Variants in RGS12 observed in about 807,000 individuals in gnomAD.
RGS12 encodes regulator of G-protein signaling 12.
RGS12 carries 66 observed loss-of-function variants against 120.1 expected under a neutral mutation model. The observed-to-expected ratio is 0.55, with a 90% CI of 0.45 to 0.67. The LOEUF (loss-of-function observed/expected upper bound fraction) is 0.67. RGS12 is among the 30% of genes least tolerant of loss of function. The pLI is 0.00. For synonymous variants in RGS12, 827 were observed against 804.7 expected (o/e 1.03, Z -0.47); for missense variants, 1,859 against 1,957.7 (o/e 0.95, Z 0.95).
At position 3,317,987 on chromosome 4, in the gene RGS12, C is replaced by T. The variant is rs1223114041; in HGVS notation, c.1817C>T (p.Ala606Val). The change falls in exon 2 of 18, where the codon GCC becomes GTC. Residue 606 changes from alanine to valine, a missense_variant. Transcript: ENST00000336727. Reference protein sequence around the residue: ...NAPKREWSRKAFGMQSIFGPH... With the variant: ...NAPKREWSRKVFGMQSIFGPH... ...CCGAAGAGGGAGTGGTCCAGGAAGGCCTTTGGAATGCAAAGCATTTTTGGT... is the reference window on the plus strand; with the variant it reads ...CCGAAGAGGGAGTGGTCCAGGAAGGTCTTTGGAATGCAAAGCATTTTTGGT... 6.2e-7 allele frequency: 1 copy of T among 1,611,588 alleles called. No individual in the cohort carries two copies. The highest frequency in any genetic ancestry group is 8.5e-7 in the Non-Finnish European group (1 of 1,178,910).
At chr4:3,308,810 C>T (rs186290008) in intron 1 of RGS12, among the ~76,000 whole-genome samples, 3 of 152,260 alleles carry the variant, frequency 2.0e-5, no homozygotes, top group East Asian at 3.8e-4. Context: ...GGCTGGGAGC[C>T]GCTCTGTCAG....
At chr4:3,368,874 G>T (rs375460443) in intron 3 of RGS12, among the ~76,000 whole-genome samples, 19 of 152,162 alleles carry the variant, frequency 1.2e-4, no homozygotes, top group African/African-American at 4.6e-4. Context: ...TACGTGCTCC[G>T]CCTTCTGTCA....
chr4:3,401,233 G>C (rs1009242519), intron 4 of RGS12, among the ~76,000 whole-genome samples: 2 of 152,112 alleles, frequency 1.3e-5, no homozygotes, highest in Non-Finnish European at 2.9e-5. Context: ...TTTGGGGAGG[G>C]GGTATAGGAC....
At chr4:3,381,947 G>C (rs3129327) in intron 3 of RGS12, among the ~76,000 whole-genome samples, 16 of 152,118 alleles carry the variant, frequency 1.1e-4, no homozygotes, top group Admixed American at 3.9e-4. Flanking sequence ...GTGTAAACTG[G>C]GGTCCAGCCA....
intron 10 of RGS12, among the ~76,000 whole-genome samples, chr4:3,421,669 C>T (rs1379117011): frequency 6.6e-6 from 1 of 152,232 alleles, no homozygotes; most frequent in Non-Finnish European, 1.5e-5. Context: ...CAGTTCACCC[C>T]GTCCCACAGC....
chr4:3,430,351 C>T (rs1034914079), intron 16 of RGS12, 56 bp from the exon 17 acceptor site: 2 of 1,465,288 alleles, frequency 1.4e-6, no homozygotes, highest in African/African-American at 1.4e-5. Context: ...TCTGCGGTGA[C>T]AGTCATTAAT....
At chr4:3,436,600 C>T (rs981286322) in intron 17 of RGS12, among the ~76,000 whole-genome samples, 1 of 152,186 alleles carries the variant, frequency 6.6e-6, no homozygotes, top group African/African-American at 2.4e-5. Flanking sequence ...CAGTGCAGCC[C>T]CTGCTCCCGC....
At position 3,375,739 on chromosome 4, in the gene RGS12, GC is replaced by G. The variant is rs368893903; in HGVS notation, c.1999-10674del. 1.1e-3 allele frequency among the ~76,000 whole-genome samples: 91 copies of G among 82,988 alleles called. 5 individuals are homozygous for G. The highest frequency in any genetic ancestry group is 1.7e-3 in the Non-Finnish European group (57 of 33,232). 54.4% of individuals were successfully genotyped at this position (82,988 alleles called of 152,430 possible). ...GCCTCATCTCCAGCCCTCATCTCCA[GC>G]CCTCATCTCCAGCCTCATCTCCAGC... On this transcript the variant is annotated intron_variant, in intron 3 of 17. Transcript: ENST00000336727.
intron 1 of RGS12, among the ~76,000 whole-genome samples, chr4:3,293,497 C>T (rs1418726392): frequency 1.3e-5 from 2 of 151,898 alleles, no homozygotes; most frequent in Non-Finnish European, 2.9e-5. Context: ...TGGGAGGGTT[C>T]CCTCGTCGGA....
chr4:3,313,732 A>G (rs1197419216), intron 1 of RGS12, among the ~76,000 whole-genome samples: 1 of 152,074 alleles, frequency 6.6e-6, no homozygotes, highest in Non-Finnish European at 1.5e-5. Flanking sequence ...CCCATCCTTG[A>G]ATCCCTGCAG....
chr4:3,315,988 T>TTATGA, intron 1 of RGS12, 82 bp from the exon 2 acceptor site: 1 of 517,554 alleles, frequency 1.9e-6, no homozygotes, highest in East Asian at 3.1e-5. Flanking sequence ...TTATGAATTA[T>TTATGA]CTTTTTGTGT....
intron 1 of RGS12, among the ~76,000 whole-genome samples, chr4:3,297,598 A>G (rs1270301236): frequency 1.3e-5 from 2 of 152,200 alleles, no homozygotes; most frequent in African/African-American, 2.4e-5. Flanking sequence ...GAGTGCCCTG[A>G]GCACAGGTCC....
Position 3,326,597 on chromosome 4 carries a change from G to A in RGS12, c.1881+8546G>A, listed in dbSNP as rs555133759. ...AGACTTGACTGAAAAACTTAGATTG[G>A]TTAAACAAATTCAGCAAAGTTGCAG... On this transcript the variant is annotated intron_variant, in intron 2 of 17. Transcript: ENST00000336727. Among the ~76,000 whole-genome samples, 7 of 152,264 alleles carry A rather than the reference G, an allele frequency of 4.6e-5. 1 individual carries two copies. In the South Asian group the frequency reaches 1.2e-3, roughly 27 times the overall value.
At chr4:3,418,618 C>A (rs746061571) in intron 9 of RGS12, 1 of 152,426 alleles carries the variant, frequency 6.6e-6, no homozygotes, top group African/African-American at 2.4e-5. Flanking sequence ...CAGGGGGAAG[C>A]GTTGTTCCCG....
intron 5 of RGS12, 145 bp downstream of exon 5, chr4:3,414,386 C>T: frequency 1.1e-6 from 1 of 918,868 alleles, no homozygotes; most frequent in Non-Finnish European, 1.6e-6. Flanking sequence ...CCTGGACCGC[C>T]ACCCTCTCAA....
rs1722465020 is a variant in RGS12, at chr4:3,416,939, C to T, written c.2454C>T (p.Ser818=). Residue 818 remains serine, a synonymous_variant, in exon 8 of 18, where the codon AGC becomes AGT. Transcript: ENST00000336727. ...TCTTCAATCTCATGAAGTTTGATAG[C>T]TACACTCGCTTTCTGAAGTCCCCGC... ...LQIFNLMKFD[S]YTRFLKSPLY... 1 of 1,608,562 alleles carries T rather than the reference C, an allele frequency of 6.2e-7. No homozygotes were observed. The highest frequency in any genetic ancestry group is 1.3e-5 in the African/African-American group (1 of 74,968).
At chr4:3,398,401 G>A (rs1268760172) in intron 4 of RGS12, among the ~76,000 whole-genome samples, 1 of 152,176 alleles carries the variant, frequency 6.6e-6, no homozygotes, top group South Asian at 2.1e-4. Flanking sequence ...GGGAAGCTGA[G>A]GCAGGAGGCT....
At chr4:3,399,699 CCCCCATAGG>C (rs1347403819) in intron 4 of RGS12, among the ~76,000 whole-genome samples, 2 of 152,202 alleles carry the variant, frequency 1.3e-5, no homozygotes, top group African/African-American at 4.8e-5. Flanking sequence ...AAGATCAAAA[CCCCCATAGG>C]CACCATGCCC....
the RGS12 span, among the ~76,000 whole-genome samples, chr4:3,287,161 G>A: frequency 2.6e-5 from 4 of 152,246 alleles, no homozygotes; most frequent in African/African-American, 9.6e-5. Flanking sequence ...CCCAGGCCCC[G>A]ACGCTGTGCA....
Sources: gnomAD v4.1 joint callset for allele counts (sites outside exome capture counted in the v4.1 genomes callset) on GRCh38, gnomAD v4.1.1 for gene constraint, MANE v1.5 for transcripts, NCBI Gene and HGNC (gene_info 2026-07-23, HGNC 2026-07-21) for gene names.